Variants in KCNIP4 observed in about 807,000 individuals in gnomAD.
The protein encoded by KCNIP4 is Kv channel-interacting protein 4.
In KCNIP4, 12 loss-of-function variants were observed where a neutral mutation model predicts 34.0. That is an observed-to-expected ratio of 0.35 (90% CI 0.23 to 0.57). The LOEUF is 0.57. Ranked by LOEUF, KCNIP4 falls within the 20% of genes least tolerant of loss-of-function variation. KCNIP4 has a pLI of 0.83. For missense variants in KCNIP4, 238 were observed against 311.7 expected, an observed-to-expected ratio of 0.76 and a Z score of 1.78; for synonymous variants, 124 against 102.2, an observed-to-expected ratio of 1.21 and a Z score of -1.29.
chr4:21,333,598 C>T (rs557994681), intron 1 of KCNIP4, among the ~76,000 whole-genome samples: 52 of 151,726 alleles, frequency 3.4e-4, no homozygotes, highest in African/African-American at 1.2e-3. Flanking sequence ...TGTATTTTTT[C>T]GTTCTATACT....
intron 3 of KCNIP4, among the ~76,000 whole-genome samples, chr4:20,843,276 T>C (rs1354830004): frequency 6.6e-6 from 1 of 152,148 alleles, no homozygotes; most frequent in Non-Finnish European, 1.5e-5. Flanking sequence ...CACAGATGTA[T>C]GCACATAAAA....
chr4:20,995,904 C>T (rs1345223234), intron 1 of KCNIP4, among the ~76,000 whole-genome samples: 2 of 152,024 alleles, frequency 1.3e-5, no homozygotes, highest in East Asian at 3.9e-4. Context: ...GTTACTAAGT[C>T]CAAGGAAAAA....
At chr4:21,859,050 T>C (rs1265225124) in intron 1 of KCNIP4, among the ~76,000 whole-genome samples, 2 of 152,280 alleles carry the variant, frequency 1.3e-5, no homozygotes, top group Admixed American at 6.5e-5. Flanking sequence ...AGGAAGATCC[T>C]CGAAATCACT....
intron 1 of KCNIP4, among the ~76,000 whole-genome samples, chr4:21,552,750 C>G (rs1039171993): frequency 6.6e-6 from 1 of 151,996 alleles, no homozygotes; most frequent in African/African-American, 2.4e-5. Context: ...GCAGATTGAC[C>G]TTTCTTGAGA....
intron 1 of KCNIP4, among the ~76,000 whole-genome samples, chr4:21,242,168 A>AAAAAAC: frequency 6.8e-6 from 1 of 148,096 alleles, no homozygotes. Flanking sequence ...TGTCTCAAAA[A>AAAAAAC]AAAAAAAAAA....
intron 1 of KCNIP4, among the ~76,000 whole-genome samples, chr4:21,893,800 T>G (rs373810523): frequency 6.6e-6 from 1 of 152,168 alleles, no homozygotes; most frequent in East Asian, 1.9e-4. Context: ...TACATGAAGC[T>G]GTAGTTGCAT....
chr4:20,782,675 C>T (rs545529242), intron 3 of KCNIP4, among the ~76,000 whole-genome samples: 21 of 152,244 alleles, frequency 1.4e-4, no homozygotes, highest in South Asian at 6.2e-4. Flanking sequence ...CTCTTCCCAA[C>T]GAAACCATTT....
chr4:20,856,711 T>C (rs962896876), intron 2 of KCNIP4, among the ~76,000 whole-genome samples: 1 of 152,316 alleles, frequency 6.6e-6, no homozygotes, highest in African/African-American at 2.4e-5. Flanking sequence ...CTGAAATTTG[T>C]GGGCTGTTGG....
At chr4:21,001,682 C>T (rs537084728) in intron 1 of KCNIP4, among the ~76,000 whole-genome samples, 2 of 152,156 alleles carry the variant, frequency 1.3e-5, no homozygotes, top group African/African-American at 4.8e-5. Flanking sequence ...TAGCAGAGTC[C>T]TCACATATAT....
intron 1 of KCNIP4, among the ~76,000 whole-genome samples, chr4:21,496,251 T>G (rs1489953302): frequency 6.6e-6 from 1 of 151,938 alleles, no homozygotes; most frequent in Non-Finnish European, 1.5e-5. Context: ...AAAACCTGAG[T>G]GCTAGAGCTA....
intron 2 of KCNIP4, among the ~76,000 whole-genome samples, chr4:20,879,763 T>C (rs1052639953): frequency 4.6e-5 from 7 of 152,198 alleles, no homozygotes; most frequent in African/African-American, 1.7e-4. Context: ...ATGTATGCTT[T>C]GCTGAAAAAC....
At chr4:21,748,457 A>G (rs1387950853) in intron 1 of KCNIP4, among the ~76,000 whole-genome samples, 2 of 152,204 alleles carry the variant, frequency 1.3e-5, no homozygotes, top group Non-Finnish European at 2.9e-5. Context: ...TTTAGAGTAA[A>G]TGCCAATTTT....
intron 1 of KCNIP4, among the ~76,000 whole-genome samples, chr4:21,693,280 G>T (rs1711886303): frequency 6.6e-6 from 1 of 152,126 alleles, no homozygotes. Context: ...AATATTTAAG[G>T]CTGGGCACGG....
chr4:20,865,999 A>T (rs1188773245), intron 2 of KCNIP4, among the ~76,000 whole-genome samples: 2 of 152,076 alleles, frequency 1.3e-5, no homozygotes, highest in African/African-American at 4.8e-5. Flanking sequence ...ACCTTCTGAA[A>T]TTGAGTCAGT....
rs181463595 is a variant in KCNIP4, at chr4:21,057,443, A to C, written c.62-174734T>G. On this transcript the variant is annotated intron_variant, in intron 1 of 8. Coordinates refer to ENST00000382152, the MANE Select transcript of KCNIP4 (RefSeq NM_025221.6). ...TTTGTTAGCCTAAAATGTAGCTGTA[A>C]TTTTTTTTCAAATAATTTCTACACA... Among the ~76,000 whole-genome samples the C allele has an allele frequency of 3.4e-3, 511 of 152,064 alleles. 1 individual carries two copies. The highest frequency in any genetic ancestry group is 0.012 in the African/African-American group (484 of 41,482).
intron 1 of KCNIP4, among the ~76,000 whole-genome samples, chr4:21,106,465 G>A (rs892434024): frequency 5.9e-5 from 9 of 151,304 alleles, no homozygotes; most frequent in South Asian, 2.1e-4. Context: ...ATTTTTTATC[G>A]CATCTATTTG....
intron 1 of KCNIP4, among the ~76,000 whole-genome samples, chr4:21,177,858 T>TTTTA (rs1553949750): frequency 1.4e-5 from 2 of 139,320 alleles, no homozygotes; most frequent in African/African-American, 5.4e-5. Context: ...AAAAAAAAAA[T>TTTTA]TATATATATA....
intron 3 of KCNIP4, among the ~76,000 whole-genome samples, chr4:20,807,229 A>G (rs1368304858): frequency 6.6e-6 from 1 of 152,178 alleles, no homozygotes; most frequent in Non-Finnish European, 1.5e-5. Context: ...CATTTAGACC[A>G]AATATGTCAT....
intron 1 of KCNIP4, among the ~76,000 whole-genome samples, chr4:21,752,138 G>C (rs774723407): frequency 6.6e-6 from 1 of 152,084 alleles, no homozygotes; most frequent in African/African-American, 2.4e-5. Flanking sequence ...CACCTGCCTT[G>C]GAAGGTGATA....
Sources: allele counts gnomAD v4.1 joint callset (sites outside exome capture counted in the v4.1 genomes callset), GRCh38; gene constraint gnomAD v4.1.1; transcripts MANE v1.5; gene names NCBI Gene and HGNC (gene_info 2026-07-23, HGNC 2026-07-21).